ZNF503: variants seen among roughly 807,000 people sequenced by gnomAD.
The protein encoded by ZNF503 is zinc finger protein 503.
A neutral mutation model predicts 34.4 loss-of-function variants in ZNF503; 15 were observed. The ratio of observed to expected loss-of-function variants is 0.44; its 90% CI spans 0.29 to 0.67. The LOEUF is 0.67. ZNF503 is among the 30% of genes least tolerant of loss of function. ZNF503 has a pLI of 0.13. For missense variants in ZNF503, 1,007 were observed against 926.8 expected, an observed-to-expected ratio of 1.09 and a Z score of -1.12; for synonymous variants, 580 against 456.8, an observed-to-expected ratio of 1.27 and a Z score of -3.44.
chr10:75,365,101 G>A, the ZNF503 span, among the ~76,000 whole-genome samples: 2 of 152,310 alleles, frequency 1.3e-5, no homozygotes, highest in Admixed American at 6.5e-5. Flanking sequence ...GCTGGGTCTC[G>A]GGTTATTTCT....
At chr10:75,301,469 G>A in the ZNF503 span, among the ~76,000 whole-genome samples, 263 of 152,172 alleles carry the variant, frequency 1.7e-3, no homozygotes, top group African/African-American at 6.1e-3. Flanking sequence ...TCAGACTCCT[G>A]AGCTCAGGCA....
At chr10:75,289,657 C>A in the ZNF503 span, among the ~76,000 whole-genome samples, 1 of 152,104 alleles carries the variant, frequency 6.6e-6, no homozygotes, top group Non-Finnish European at 1.5e-5. Flanking sequence ...GTGATCTCAG[C>A]TCACTGCAAC....
At chr10:75,317,510 C>G in the ZNF503 span, among the ~76,000 whole-genome samples, 1 of 150,526 alleles carries the variant, frequency 6.6e-6, no homozygotes, top group Non-Finnish European at 1.5e-5. Flanking sequence ...TGGTCTTGAT[C>G]TCTTGACCTC....
At chr10:75,392,369 G>A in the ZNF503 span, among the ~76,000 whole-genome samples, 3 of 152,222 alleles carry the variant, frequency 2.0e-5, no homozygotes, top group Admixed American at 1.3e-4. Flanking sequence ...CCCTGGTACA[G>A]TGACCTTTAT....
chr10:75,386,816 A>G, the ZNF503 span, among the ~76,000 whole-genome samples: 1 of 152,222 alleles, frequency 6.6e-6, no homozygotes, highest in African/African-American at 2.4e-5. Context: ...CCTATTCATC[A>G]TCCAAGCCCA....
the ZNF503 span, chr10:75,360,500 G>C: frequency 2.0e-5 from 3 of 152,164 alleles, no homozygotes; most frequent in Admixed American, 2.0e-4. Context: ...TGTACCCCAG[G>C]TGCCTCTCTC....
At chr10:75,397,328 C>A (rs1843711775), downstream of ZNF503, among the ~76,000 whole-genome samples, 1 of 152,184 alleles carries the variant, frequency 6.6e-6, no homozygotes, top group Non-Finnish European at 1.5e-5. Flanking sequence ...CCTGCGTACT[C>A]CCCCCAGGCC....
In ZNF503 at chr10:75,400,186, G is replaced by A. The variant is rs1403769095; in HGVS notation, c.504C>T (p.Gly168=). ...KSGPLKLSDI[G]VEDKSSFKPY... is the part of the protein sequence containing the mutation. The stretch of plus-strand genomic sequence containing the variant: ...GCTTGAAACTCGACTTGTCCTCCAC[G>A]CCGATGTCGCTCAGCTTCAGGGGGC... The change falls in exon 2 of 2, where the codon GGC becomes GGT. Residue 168 remains glycine (G), a synonymous_variant. Coordinates refer to ENST00000372524, the MANE Select transcript of ZNF503 (RefSeq NM_032772.6). 3 of 1,584,222 alleles carry A rather than the reference G, an allele frequency of 1.9e-6. No individual in the cohort carries two copies. Among genetic ancestry groups the A allele is most frequent in the South Asian group, 2.3e-5 (2 of 87,618 alleles).
chr10:75,362,939 C>T, the ZNF503 span, among the ~76,000 whole-genome samples: 1 of 152,142 alleles, frequency 6.6e-6, no homozygotes, highest in Admixed American at 6.5e-5. Context: ...TCTACTTCTA[C>T]CCCCACCCCA....
At chr10:75,351,890 C>T in the ZNF503 span, among the ~76,000 whole-genome samples, 6 of 152,134 alleles carry the variant, frequency 3.9e-5, no homozygotes, top group Non-Finnish European at 7.4e-5. Flanking sequence ...CAGTTCTTCC[C>T]CATTTTACAA....
chr10:75,279,859 T>G, the ZNF503 span: 7 of 152,312 alleles, frequency 4.6e-5, no homozygotes, highest in South Asian at 1.0e-3. Flanking sequence ...ATAACTCACA[T>G]GGCAGAAGGC....
chr10:75,346,930 T>C, the ZNF503 span, among the ~76,000 whole-genome samples: 1 of 152,128 alleles, frequency 6.6e-6, no homozygotes, highest in African/African-American at 2.4e-5. Flanking sequence ...TTACAGGCGT[T>C]AGCTGCCGCG....
chr10:75,291,955 A>G, the ZNF503 span, among the ~76,000 whole-genome samples: 10 of 152,360 alleles, frequency 6.6e-5, no homozygotes, highest in East Asian at 1.5e-3. Context: ...AGACACTTGC[A>G]GTACCCAGTA....
chr10:75,382,393 C>A, the ZNF503 span: 1 of 354,102 alleles, frequency 2.8e-6, no homozygotes, highest in Non-Finnish European at 5.6e-6. Context: ...GTGTCCTCAA[C>A]TTGTATTCCT....
the ZNF503 span, among the ~76,000 whole-genome samples, chr10:75,371,429 T>C: frequency 1.3e-5 from 2 of 152,148 alleles, no homozygotes; most frequent in Non-Finnish European, 2.9e-5. Context: ...ACTGGATCCC[T>C]CTCTACCTCT....
chr10:75,325,335 T>C, the ZNF503 span, among the ~76,000 whole-genome samples: 1 of 151,530 alleles, frequency 6.6e-6, no homozygotes, highest in Non-Finnish European at 1.5e-5. Context: ...ATATATTTTT[T>C]TTTTTTTTGA....
chr10:75,359,272 G>C, the ZNF503 span, among the ~76,000 whole-genome samples: 1 of 152,232 alleles, frequency 6.6e-6, no homozygotes, highest in African/African-American at 2.4e-5. Context: ...AAAGTTTTGG[G>C]CCCAGCCCCA....
At chr10:75,400,805 C>T (rs999093965) in intron 1 of ZNF503, among the ~76,000 whole-genome samples, 3 of 152,220 alleles carry the variant, frequency 2.0e-5, no homozygotes, top group Admixed American at 2.0e-4. Flanking sequence ...ACTTTGGAAC[C>T]GTATTTCAGA....
At chr10:75,371,223 C>T in the ZNF503 span, among the ~76,000 whole-genome samples, 1 of 152,160 alleles carries the variant, frequency 6.6e-6, no homozygotes, top group Non-Finnish European at 1.5e-5. Flanking sequence ...GTCAGCACCC[C>T]TGGTCCACAG....
Sources: gnomAD v4.1 joint callset for allele counts (sites outside exome capture counted in the v4.1 genomes callset) on GRCh38, gnomAD v4.1.1 for gene constraint, MANE v1.5 for transcripts, NCBI Gene and HGNC (gene_info 2026-07-23, HGNC 2026-07-21) for gene names.